Variants in DNAJC6 observed in about 807,000 individuals in gnomAD.
The protein encoded by DNAJC6 is auxilin.
DNAJC6 carries 34 observed loss-of-function variants against 110.0 expected under a neutral mutation model. The observed-to-expected ratio is 0.31, with a 90% CI of 0.24 to 0.41. DNAJC6 has a LOEUF of 0.41. DNAJC6 is among the 10% of genes least tolerant of loss of function. The pLI, the probability that DNAJC6 is intolerant of heterozygous loss-of-function variation, is 1.00. For missense variants in DNAJC6, 1,031 were observed against 1,207.8 expected, an observed-to-expected ratio of 0.85 and a Z score of 2.17; for synonymous variants, 406 against 437.2, an observed-to-expected ratio of 0.93 and a Z score of 0.89.
intron 1 of DNAJC6, chr1:65,345,598 C>T: frequency 1.0e-6 from 1 of 954,098 alleles, no homozygotes; most frequent in Non-Finnish European, 1.2e-6. Flanking sequence ...TTTCTCTTTT[C>T]CTGGTTCTCC....
chr1:65,307,712 T>C (rs921244281), upstream of DNAJC6, among the ~76,000 whole-genome samples: 1 of 152,218 alleles, frequency 6.6e-6, no homozygotes, highest in Admixed American at 6.5e-5. Context: ...TAAGATGTTA[T>C]GGGAAAAGAT....
At chr1:65,385,481 A>G (rs1645862315) in intron 6 of DNAJC6, among the ~76,000 whole-genome samples, 1 of 152,226 alleles carries the variant, frequency 6.6e-6, no homozygotes, top group Non-Finnish European at 1.5e-5. Flanking sequence ...AAGCTTTTTG[A>G]TTTAATAAAT....
At position 65,379,543 on chromosome 1, in the gene DNAJC6, T is replaced by G. The variant is rs757927727; in HGVS notation, c.666+19T>G. On this transcript the variant is annotated intron_variant, in intron 5 of 18. Coordinates refer to ENST00000371069, the MANE Select transcript of DNAJC6 (RefSeq NM_001256864.2). ...CTGCTTGGTGAGTAACCTTTTGTTG[T>G]TGGTGGTGATGGTTTGGTTTGGTCA... The G allele has an allele frequency of 2.5e-6, 4 of 1,613,388 alleles. No homozygotes were observed. Among genetic ancestry groups the G allele is most frequent in the East Asian group, 2.2e-5 (1 of 44,880 alleles).
chr1:65,356,991 C>T (rs144762305), intron 1 of DNAJC6, among the ~76,000 whole-genome samples: 35 of 152,290 alleles, frequency 2.3e-4, no homozygotes, highest in Non-Finnish European at 3.1e-4. Context: ...CGATCCATTT[C>T]TCTAACTGCT....
intron 1 of DNAJC6, among the ~76,000 whole-genome samples, chr1:65,336,779 T>C (rs1645341085): frequency 6.6e-6 from 1 of 152,172 alleles, no homozygotes; most frequent in African/African-American, 2.4e-5. Context: ...GGGCTCCTTT[T>C]AAAAAACACT....
chr1:65,300,697 T>C (rs1644971146), intron 1 of DNAJC6, among the ~76,000 whole-genome samples: 1 of 152,198 alleles, frequency 6.6e-6, no homozygotes, highest in Non-Finnish European at 1.5e-5. Context: ...TTCGAATGGA[T>C]AAATACATGA....
At chr1:65,302,115 TA>T (rs1557507953) in intron 1 of DNAJC6, among the ~76,000 whole-genome samples, 5 of 46,120 alleles carry the variant, frequency 1.1e-4, no homozygotes, top group African/African-American at 1.0e-3. Flanking sequence ...ATAATATATA[TA>T]TATATATAAA....
chr1:65,352,899 A>C (rs955237016), intron 1 of DNAJC6, among the ~76,000 whole-genome samples: 1 of 152,198 alleles, frequency 6.6e-6, no homozygotes, highest in Admixed American at 6.5e-5. Flanking sequence ...TTGTTTGGGA[A>C]GACTGATAGA....
chr1:65,333,295 T>A (rs943265632), intron 1 of DNAJC6, among the ~76,000 whole-genome samples: 1 of 152,104 alleles, frequency 6.6e-6, no homozygotes, highest in Non-Finnish European at 1.5e-5. Flanking sequence ...CTTGGTGAAA[T>A]AAATGGACTC....
At position 65,392,626 on chromosome 1, in the gene DNAJC6, A is replaced by G; in HGVS notation, c.1664A>G (p.Asp555Gly). 1.9e-6 allele frequency: 3 copies of G among 1,613,744 alleles called. No individual in the cohort carries two copies. Among genetic ancestry groups the G allele is most frequent in the Non-Finnish European group, 2.5e-6 (3 of 1,179,868 alleles). The change falls in exon 12 of 19, where the codon GAC becomes GGC. Residue 555 changes from aspartate (D) to glycine (G), a missense_variant. By Grantham distance (94) the Asp-to-Gly change is moderately conservative. Coordinates refer to ENST00000371069, the MANE Select transcript of DNAJC6 (RefSeq NM_001256864.2). Reference sequence around the variant, plus strand: ...GCCCCTCCACCCCCTGAGGATGTGGACCTTTTGGGCCTGGAAGGGTCTGCA... The same window carrying G: ...GCCCCTCCACCCCCTGAGGATGTGGGCCTTTTGGGCCTGGAAGGGTCTGCA... ...PAAPPPPEDV[D>G]LLGLEGSAMS...
At position 65,378,596 on chromosome 1, in the gene DNAJC6, A is replaced by G. The variant is rs374592837; in HGVS notation, c.544-806A>G. Among the ~76,000 whole-genome samples, 27 of 152,356 alleles carry G rather than the reference A, an allele frequency of 1.8e-4. 1 individual carries two copies. The South Asian group carries it at 5.4e-3, about 30-fold the overall frequency. Reference sequence around the variant, plus strand: ...CTCCTTGTTGTTTCTTAGCTAGATTAGTAAGTATGTAATCAACTGGGGATC... The same window carrying G: ...CTCCTTGTTGTTTCTTAGCTAGATTGGTAAGTATGTAATCAACTGGGGATC... On this transcript the variant is annotated intron_variant, in intron 4 of 18. Coordinates refer to ENST00000371069, the MANE Select transcript of DNAJC6 (RefSeq NM_001256864.2).
chr1:65,296,670 A>C (rs1644932458), intron 1 of DNAJC6, among the ~76,000 whole-genome samples: 1 of 148,936 alleles, frequency 6.7e-6, no homozygotes, highest in Non-Finnish European at 1.5e-5. Context: ...TCACTGCAAC[A>C]TCCACCTTCT....
At chr1:65,334,562 C>G (rs1267361284) in intron 1 of DNAJC6, among the ~76,000 whole-genome samples, 1 of 152,162 alleles carries the variant, frequency 6.6e-6, no homozygotes, top group Non-Finnish European at 1.5e-5. Flanking sequence ...CCCTGTGCCT[C>G]TAAAAATTTC....
chr1:65,273,491 C>T (rs2985900), intron 1 of DNAJC6, among the ~76,000 whole-genome samples: 3 of 151,826 alleles, frequency 2.0e-5, no homozygotes, highest in East Asian at 1.9e-4. Flanking sequence ...CCCAGCTACT[C>T]GGGAGGCTGA....
At chr1:65,279,068 T>C (rs1328778120) in intron 1 of DNAJC6, 2 of 985,302 alleles carry the variant, frequency 2.0e-6, no homozygotes, top group Non-Finnish European at 2.4e-6. Flanking sequence ...TGACTGCATA[T>C]GCTGAGAAAA....
At chr1:65,289,316 C>T (rs1159372796) in intron 1 of DNAJC6, among the ~76,000 whole-genome samples, 1 of 152,178 alleles carries the variant, frequency 6.6e-6, no homozygotes, top group African/African-American at 2.4e-5. Flanking sequence ...CTGCCTCAGC[C>T]TCCTGAGTAG....
At chr1:65,317,640 A>C (rs1645160177) in intron 1 of DNAJC6, among the ~76,000 whole-genome samples, 1 of 152,182 alleles carries the variant, frequency 6.6e-6, no homozygotes, top group Non-Finnish European at 1.5e-5. Context: ...GCAGAAAATT[A>C]CTGTTGTTGT....
intron 1 of DNAJC6, among the ~76,000 whole-genome samples, chr1:65,301,444 C>T (rs919682845): frequency 3.3e-5 from 5 of 152,092 alleles, no homozygotes; most frequent in African/African-American, 9.7e-5. Context: ...CAAAACTGCT[C>T]CCCCAACCTA....
Position 65,362,258 on chromosome 1 carries a change from T to C in DNAJC6, c.194-2377T>C, listed in dbSNP as rs192728975. ...AGGAATAATAATATTATCTATTTCA[T>C]TGGGATGCTATGAGGATTAAATGAC... is the stretch of plus-strand genomic sequence containing the variant. On this transcript the variant is annotated intron_variant, in intron 1 of 18. Transcript: ENST00000371069. Among the ~76,000 whole-genome samples, 1,018 of 152,284 alleles carry C rather than the reference T, an allele frequency of 6.7e-3. 1 individual carries two copies. The highest frequency in any genetic ancestry group is 0.01 in the Non-Finnish European group (694 of 68,012).
Sources: allele counts gnomAD v4.1 joint callset (sites outside exome capture counted in the v4.1 genomes callset), GRCh38; gene constraint gnomAD v4.1.1; transcripts MANE v1.5; gene names NCBI Gene and HGNC (gene_info 2026-07-23, HGNC 2026-07-21).